SSBP3: variants seen among roughly 807,000 people sequenced by gnomAD.
SSBP3 encodes single-stranded DNA-binding protein 3.
In SSBP3, 5 loss-of-function variants were observed where a neutral mutation model predicts 69.6. That is an observed-to-expected ratio of 0.07 (90% CI 0.04 to 0.15). SSBP3 has a LOEUF of 0.15. SSBP3 is among the 10% of genes least tolerant of loss of function. The probability of loss-of-function intolerance (pLI) is 1.00; values close to 1 mark genes in which losing one functional copy is unlikely to be tolerated. For missense variants in SSBP3, 312 were observed against 534.0 expected (o/e 0.58, Z 4.10); for synonymous variants, 196 against 193.4 (o/e 1.01, Z -0.11).
At chr1:54,233,178 C>A (rs1049664967) in intron 14 of SSBP3, among the ~76,000 whole-genome samples, 4 of 149,728 alleles carry the variant, frequency 2.7e-5, no homozygotes, top group Non-Finnish European at 5.9e-5. Context: ...AAGTGAGGAG[C>A]GTCTCTGCCC....
At chr1:54,305,085 C>A (rs182932333) in intron 4 of SSBP3, among the ~76,000 whole-genome samples, 5 of 152,186 alleles carry the variant, frequency 3.3e-5, no homozygotes, top group Admixed American at 6.5e-5. Flanking sequence ...GTATGCCTGG[C>A]GGGAGGCGTG....
intron 4 of SSBP3, among the ~76,000 whole-genome samples, chr1:54,318,057 T>C (rs2100348302): frequency 6.6e-6 from 1 of 152,316 alleles, no homozygotes; most frequent in African/African-American, 2.4e-5. Context: ...CGTGAGCCAC[T>C]GCGCCCGGCC....
chr1:54,255,144 C>T (rs1273180859), intron 7 of SSBP3, among the ~76,000 whole-genome samples: 1 of 53,880 alleles, frequency 1.9e-5, no homozygotes, highest in Non-Finnish European at 3.3e-5. Flanking sequence ...GTGTAGATTT[C>T]TATTGCGGGG....
intron 4 of SSBP3, among the ~76,000 whole-genome samples, chr1:54,297,679 C>G (rs1420228417): frequency 6.6e-6 from 1 of 152,170 alleles, no homozygotes; most frequent in Admixed American, 6.5e-5. Context: ...ACGCCACCAT[C>G]CCCATCACCC....
chr1:54,229,574 G>A lies in SSBP3; in HGVS notation c.928-748C>T, dbSNP rs1644346756. On this transcript the variant is annotated intron_variant, in intron 14 of 17. Transcript: ENST00000610401. ...TTGGTGTGGCAGATGAGGGCTTGGA[G>A]ATAAGAGTCGATTCTACCCACCCAC... Among the ~76,000 whole-genome samples the A allele has an allele frequency of 2.0e-5, 3 of 152,256 alleles. No individual in the cohort carries two copies. The South Asian group carries it at 6.2e-4, about 32-fold the overall frequency.
intron 14 of SSBP3, among the ~76,000 whole-genome samples, chr1:54,235,273 G>GTTTTT (rs200538399): frequency 8.9e-6 from 1 of 112,034 alleles, no homozygotes; most frequent in Non-Finnish European, 1.8e-5. Flanking sequence ...AAGATGTCCA[G>GTTTTT]TTTTTTTTTT....
intron 4 of SSBP3, among the ~76,000 whole-genome samples, chr1:54,339,633 C>T (rs753598880): frequency 1.3e-5 from 2 of 151,828 alleles, no homozygotes; most frequent in Non-Finnish European, 2.9e-5. Flanking sequence ...GAAAGATCAG[C>T]CGGGCATGGT....
chr1:54,281,042 A>C (rs744117), intron 5 of SSBP3, among the ~76,000 whole-genome samples: 98,035 of 152,088 alleles, frequency 0.64, 32,324 homozygotes, highest in African/African-American at 0.76. Flanking sequence ...ACAATGACAA[A>C]AGCAGCAGCA....
At chr1:54,344,618 G>T (rs1050584940) in intron 4 of SSBP3, among the ~76,000 whole-genome samples, 4 of 152,198 alleles carry the variant, frequency 2.6e-5, no homozygotes, top group African/African-American at 9.7e-5. Context: ...TACAGGCAAG[G>T]CCTTGTAAAG....
At chr1:54,386,341 A>G (rs1303988705) in intron 4 of SSBP3, among the ~76,000 whole-genome samples, 1 of 152,180 alleles carries the variant, frequency 6.6e-6, no homozygotes, top group Non-Finnish European at 1.5e-5. Context: ...GATACATTTT[A>G]TCCTTCAGAT....
At chr1:54,352,414 G>A (rs1312157839) in intron 4 of SSBP3, among the ~76,000 whole-genome samples, 1 of 152,146 alleles carries the variant, frequency 6.6e-6, no homozygotes, top group Non-Finnish European at 1.5e-5. Flanking sequence ...GCTTCTTCAA[G>A]TGACTTCTCC....
intron 5 of SSBP3, among the ~76,000 whole-genome samples, chr1:54,280,814 C>T (rs1262182631): frequency 1.3e-5 from 2 of 152,148 alleles, no homozygotes; most frequent in African/African-American, 2.4e-5. Flanking sequence ...CAAGGTGTCT[C>T]TTGGAGAAGG....
intron 4 of SSBP3, among the ~76,000 whole-genome samples, chr1:54,340,761 A>G (rs1246962294): frequency 1.3e-5 from 2 of 152,140 alleles, no homozygotes; most frequent in Non-Finnish European, 2.9e-5. Context: ...GGGGAGAAAA[A>G]ATGGACTCCA....
At chr1:54,272,618 G>T (rs1029801494) in intron 5 of SSBP3, among the ~76,000 whole-genome samples, 1 of 152,088 alleles carries the variant, frequency 6.6e-6, no homozygotes, top group Non-Finnish European at 1.5e-5. Context: ...CCCCGCAGGG[G>T]TCTCCACTCC....
chr1:54,332,379 G>A (rs929755708), intron 4 of SSBP3, among the ~76,000 whole-genome samples: 1 of 152,180 alleles, frequency 6.6e-6, no homozygotes, highest in Non-Finnish European at 1.5e-5. Context: ...AGGGGTGGGA[G>A]TGTGGAGAGG....
At chr1:54,266,578 G>A in intron 5 of SSBP3, among the ~76,000 whole-genome samples, 1 of 152,160 alleles carries the variant, frequency 6.6e-6, no homozygotes, top group Non-Finnish European at 1.5e-5. Context: ...AGGGAAAAAA[G>A]TGGAGTCTTC....
At chr1:54,354,037 G>C (rs1286548625) in intron 4 of SSBP3, among the ~76,000 whole-genome samples, 1 of 152,080 alleles carries the variant, frequency 6.6e-6, no homozygotes, top group Non-Finnish European at 1.5e-5. Flanking sequence ...CACTCCCCCG[G>C]CTCAGCAAGA....
At chr1:54,296,402 A>AT (rs765621184) in intron 4 of SSBP3, among the ~76,000 whole-genome samples, 1 of 152,144 alleles carries the variant, frequency 6.6e-6, no homozygotes, top group Non-Finnish European at 1.5e-5. Context: ...TTTTTCTTCT[A>AT]TTTTTGTCTA....
intron 4 of SSBP3, among the ~76,000 whole-genome samples, chr1:54,332,081 T>A (rs1194503798): frequency 6.6e-6 from 1 of 152,224 alleles, no homozygotes; most frequent in African/African-American, 2.4e-5. Context: ...TTGAAGGACT[T>A]GCCCAAGGTC....
Sources: gnomAD v4.1 joint callset for allele counts (sites outside exome capture counted in the v4.1 genomes callset) on GRCh38, gnomAD v4.1.1 for gene constraint, MANE v1.5 for transcripts, NCBI Gene and HGNC (gene_info 2026-07-23, HGNC 2026-07-21) for gene names.